Variants in WDR49 observed in about 807,000 individuals in gnomAD.
WDR49 encodes WD repeat domain 49.
In WDR49, 107 loss-of-function variants were observed where a neutral mutation model predicts 119.5. The observed-to-expected ratio is 0.90, with a 90% CI of 0.77 to 1.05. The LOEUF (loss-of-function observed/expected upper bound fraction) is 1.05, where lower values mean the gene tolerates loss of function less well. Ranked by LOEUF, WDR49 falls within the 50% of genes least tolerant of loss-of-function variation. WDR49 has a pLI of 0.00. For synonymous variants in WDR49, 425 were observed against 418.8 expected, an observed-to-expected ratio of 1.01 and a Z score of -0.18; for missense variants, 1,240 against 1,220.5, an observed-to-expected ratio of 1.02 and a Z score of -0.24.
At chr3:167,537,107 C>T in intron 10 of WDR49, 107 bp from the exon 11 acceptor site, 2 of 1,171,470 alleles carry the variant, frequency 1.7e-6, no homozygotes, top group African/African-American at 1.6e-5. Context: ...AAAGACTATG[C>T]TGCCCAAAAT....
intron 11 of WDR49, 71 bp from the exon 12 acceptor site, chr3:167,533,048 GA>G: frequency 8.8e-7 from 1 of 1,141,808 alleles, no homozygotes; most frequent in Non-Finnish European, 1.3e-6. Context: ...ACAGCAATCA[GA>G]AGAAGTTATT....
At chr3:167,505,023 A>C (rs991399064) in intron 17 of WDR49, among the ~76,000 whole-genome samples, 8 of 152,172 alleles carry the variant, frequency 5.3e-5, no homozygotes, top group Non-Finnish European at 1.2e-4. Context: ...TTTTCTTTTT[A>C]AATAAATTAT....
At chr3:167,620,367 A>C in intron 5 of WDR49, 62 bp downstream of exon 5, 1 of 1,411,542 alleles carries the variant, frequency 7.1e-7, no homozygotes, top group Non-Finnish European at 9.3e-7. Context: ...ATTTTCATCA[A>C]AGAATATAAA....
At chr3:167,655,412 G>A (rs1316731778), upstream of WDR49, among the ~76,000 whole-genome samples, 2 of 152,138 alleles carry the variant, frequency 1.3e-5, no homozygotes, top group Non-Finnish European at 2.9e-5. Context: ...TAAAAAGTTG[G>A]CATTACATCT....
intron 2 of WDR49, among the ~76,000 whole-genome samples, chr3:167,637,156 A>G (rs545514364): frequency 4.0e-4 from 61 of 151,812 alleles, no homozygotes; most frequent in Non-Finnish European, 8.0e-4. Context: ...ATCCATCTTC[A>G]GTTGATTTTT....
At chr3:167,589,889 A>G (rs1715017359) in intron 7 of WDR49, among the ~76,000 whole-genome samples, 2 of 152,010 alleles carry the variant, frequency 1.3e-5, no homozygotes, top group Non-Finnish European at 2.9e-5. Flanking sequence ...TTCATTTCCA[A>G]TTTGGATGCC....
intron 4 of WDR49, 133 bp from the exon 5 acceptor site, chr3:167,620,736 A>G: frequency 1.2e-6 from 1 of 858,948 alleles, no homozygotes; most frequent in Non-Finnish European, 1.7e-6. Flanking sequence ...TAAAGGATGC[A>G]GGGTGTTATA....
chr3:167,555,248 A>T (rs1420403689), intron 9 of WDR49, among the ~76,000 whole-genome samples: 1 of 152,138 alleles, frequency 6.6e-6, no homozygotes, highest in Non-Finnish European at 1.5e-5. Context: ...ATAAAAACCC[A>T]AAAGTATGGG....
chr3:167,533,007 T>C (rs1752903357), intron 11 of WDR49, 30 bp from the exon 12 acceptor site: 1 of 1,483,632 alleles, frequency 6.7e-7, no homozygotes. Flanking sequence ...GAATATAAAT[T>C]GCCAGGAGAT....
In WDR49 at chr3:167,578,285, G is replaced by A. The variant is rs534791865; in HGVS notation, c.1276-2134C>T. Among the ~76,000 whole-genome samples the A allele has an allele frequency of 6.2e-4, 95 of 152,126 alleles. 2 individuals carry two copies. The South Asian group carries it at 0.015, about 25-fold the overall frequency. ...ACTTTTAAAAACCATGGTAAGATGC[G>A]TCCATTGTATAAAGTCAAATAGCAC... On this transcript the variant is annotated intron_variant, in intron 7 of 18. Coordinates refer to ENST00000682715, the MANE Select transcript of WDR49 (RefSeq NM_001366157.1).
chr3:167,560,508 T>C (rs1422015811), intron 8 of WDR49, among the ~76,000 whole-genome samples: 1 of 152,146 alleles, frequency 6.6e-6, no homozygotes, highest in Non-Finnish European at 1.5e-5. Flanking sequence ...GAAATCAAAT[T>C]CTGAAAATAA....
At chr3:167,570,340 CA>C (rs1713862281) in intron 8 of WDR49, among the ~76,000 whole-genome samples, 1 of 152,122 alleles carries the variant, frequency 6.6e-6, no homozygotes, top group South Asian at 2.1e-4. Context: ...CCAAGGGAAC[CA>C]CCAATTGAAT....
At chr3:167,500,003 G>A in intron 18 of WDR49, 150 bp downstream of exon 18, 1 of 817,590 alleles carries the variant, frequency 1.2e-6, no homozygotes, top group Non-Finnish European at 1.8e-6. Context: ...TTCAGCAGCT[G>A]AACTATAAAT....
intron 18 of WDR49, among the ~76,000 whole-genome samples, chr3:167,496,154 TTAAGAA>T (rs1238346440): frequency 6.6e-6 from 1 of 152,048 alleles, no homozygotes; most frequent in Non-Finnish European, 1.5e-5. Context: ...AACAATCACT[TTAAGAA>T]TAATACAAAT....
intron 17 of WDR49, among the ~76,000 whole-genome samples, chr3:167,501,698 C>G (rs370985169): frequency 4.6e-5 from 7 of 152,262 alleles, no homozygotes; most frequent in Admixed American, 3.3e-4. Context: ...GGATTCTTAT[C>G]TGTTTCTAAG....
At chr3:167,538,770 G>A (rs753893531) in intron 10 of WDR49, among the ~76,000 whole-genome samples, 8 of 152,140 alleles carry the variant, frequency 5.3e-5, no homozygotes, top group Non-Finnish European at 1.0e-4. Flanking sequence ...ATCAAAGAAG[G>A]CTGAGTTGAA....
intron 18 of WDR49, among the ~76,000 whole-genome samples, chr3:167,487,058 C>T (rs1363351119): frequency 6.6e-6 from 1 of 151,990 alleles, no homozygotes; most frequent in Non-Finnish European, 1.5e-5. Context: ...AAATAAAGAG[C>T]CCAAATAGCT....
At chr3:167,621,786 C>T (rs544186361) in intron 3 of WDR49, 143 bp from the exon 4 acceptor site, 112 of 781,248 alleles carry the variant, frequency 1.4e-4, no homozygotes, top group South Asian at 9.2e-4. Context: ...TTAAGAACAG[C>T]GGCACAAATG....
intron 11 of WDR49, among the ~76,000 whole-genome samples, chr3:167,535,881 A>G (rs1322715446): frequency 6.6e-6 from 1 of 152,200 alleles, no homozygotes; most frequent in Non-Finnish European, 1.5e-5. Context: ...GTATATATAC[A>G]CACTGGAATA....
Sources: gnomAD v4.1 joint callset for allele counts (sites outside exome capture counted in the v4.1 genomes callset) on GRCh38, gnomAD v4.1.1 for gene constraint, MANE v1.5 for transcripts, NCBI Gene and HGNC (gene_info 2026-07-23, HGNC 2026-07-21) for gene names.